The following GLIS1 variants were observed in gnomAD, a reference collection of about 807,000 sequenced individuals.
GLIS1 encodes zinc finger protein GLIS1.
Under a neutral mutation model 63.8 loss-of-function variants are expected in GLIS1, and 24 were observed. The ratio of observed to expected loss-of-function variants is 0.38; its 90% CI spans 0.27 to 0.53. The LOEUF (loss-of-function observed/expected upper bound fraction) is 0.53. GLIS1 is among the 20% of genes least tolerant of loss of function. The pLI, the probability that GLIS1 is intolerant of heterozygous loss-of-function variation, is 0.85. For missense variants in GLIS1, 1,036 were observed against 1,074.1 expected, an observed-to-expected ratio of 0.96 and a Z score of 0.50; for synonymous variants, 450 against 482.5, an observed-to-expected ratio of 0.93 and a Z score of 0.88.
chr1:53,655,640 C>T (rs955166957), intron 2 of GLIS1, among the ~76,000 whole-genome samples: 1 of 152,190 alleles, frequency 6.6e-6, no homozygotes, highest in Non-Finnish European at 1.5e-5. Flanking sequence ...ACCCCACAGA[C>T]GTTCTGGGCA....
At position 53,731,638 on chromosome 1, in the gene GLIS1, C is replaced by G. The variant is rs941619655; in HGVS notation, c.259+6168G>C. 3.3e-5 allele frequency among the ~76,000 whole-genome samples: 5 copies of G among 152,276 alleles called. 1 individual carries two copies. The South Asian group carries it at 8.3e-4, about 25-fold the overall frequency. ...TCACTTTGCCTTTCCAAGCCTCAGT[C>G]CCCCCATCTTTAAAATTAGAACAGT... On this transcript the variant is annotated intron_variant, in intron 2 of 10. Coordinates refer to ENST00000628545, the MANE Select transcript of GLIS1 (RefSeq NM_001367484.1).
chr1:53,562,589 C>T (rs1331399737), intron 4 of GLIS1, among the ~76,000 whole-genome samples: 2 of 152,204 alleles, frequency 1.3e-5, no homozygotes, highest in East Asian at 3.9e-4. Flanking sequence ...TCCCAGCCCA[C>T]ACTCCACATC....
At chr1:53,721,790 C>T (rs1358473665) in intron 2 of GLIS1, among the ~76,000 whole-genome samples, 1 of 151,814 alleles carries the variant, frequency 6.6e-6, no homozygotes, top group Non-Finnish European at 1.5e-5. Flanking sequence ...AAAAAGAAAG[C>T]AATGAAAGAA....
intron 2 of GLIS1, among the ~76,000 whole-genome samples, chr1:53,677,045 A>T (rs1646220390): frequency 6.6e-6 from 1 of 152,158 alleles, no homozygotes; most frequent in Admixed American, 6.5e-5. Flanking sequence ...TAGCTGAGCA[A>T]CGCAAACAGC....
intron 2 of GLIS1, among the ~76,000 whole-genome samples, chr1:53,662,484 T>C (rs1242078597): frequency 6.6e-6 from 1 of 152,172 alleles, no homozygotes; most frequent in African/African-American, 2.4e-5. Flanking sequence ...AGGATGATGA[T>C]GATGAGGGCT....
intron 2 of GLIS1, among the ~76,000 whole-genome samples, chr1:53,644,549 A>G (rs1645821765): frequency 6.6e-6 from 1 of 152,210 alleles, no homozygotes; most frequent in Admixed American, 6.5e-5. Flanking sequence ...TAGAATGGGA[A>G]GAGTTCTTCA....
rs1230658951 is a variant in GLIS1 at position 53,692,572 on chromosome 1, T to C, written c.259+45234A>G. ...ATTGTCCCTGATTTAGAGTTTGGGG[T>C]TGTGCTGAGAAATGGAGCTTCCAGC... is the stretch of plus-strand genomic sequence containing the variant. On this transcript the variant is annotated intron_variant, in intron 2 of 10. Transcript: ENST00000628545. Among the ~76,000 whole-genome samples, 3 of 152,228 alleles carry C rather than the reference T, an allele frequency of 2.0e-5. No homozygotes were observed. In the East Asian group the frequency reaches 5.8e-4, roughly 29 times the overall value.
intron 2 of GLIS1, among the ~76,000 whole-genome samples, chr1:53,621,525 G>T (rs1379816420): frequency 6.6e-6 from 1 of 152,230 alleles, no homozygotes; most frequent in Non-Finnish European, 1.5e-5. Flanking sequence ...TTCGTCAAAA[G>T]CCAATTAGCC....
chr1:53,583,748 C>A (rs998643927), intron 4 of GLIS1, among the ~76,000 whole-genome samples: 1 of 152,180 alleles, frequency 6.6e-6, no homozygotes, highest in African/African-American at 2.4e-5. Context: ...GAGGAGGGGC[C>A]GGGAAAGTCG....
chr1:53,609,232 C>A (rs1251132251), intron 2 of GLIS1, among the ~76,000 whole-genome samples: 2 of 147,978 alleles, frequency 1.4e-5, no homozygotes, highest in Admixed American at 6.8e-5. Flanking sequence ...ACATTTAATG[C>A]AATTACCATA....
chr1:53,654,185 C>T (rs1645938643), intron 2 of GLIS1, among the ~76,000 whole-genome samples: 1 of 152,220 alleles, frequency 6.6e-6, no homozygotes, highest in Non-Finnish European at 1.5e-5. Flanking sequence ...TCAACAAATA[C>T]TTATTGAGCA....
intron 4 of GLIS1, among the ~76,000 whole-genome samples, chr1:53,532,963 A>G: frequency 6.6e-6 from 1 of 152,204 alleles, no homozygotes; most frequent in East Asian, 1.9e-4. Context: ...CTTGGTGTTC[A>G]TGGTCTTCCA....
At chr1:53,635,980 C>T (rs888829931) in intron 2 of GLIS1, among the ~76,000 whole-genome samples, 109 of 152,126 alleles carry the variant, frequency 7.2e-4, no homozygotes, top group Non-Finnish European at 2.6e-4. Context: ...AAACTCCAGA[C>T]CCAGTTGGCT....
chr1:53,549,484 G>T (rs1182794451), intron 4 of GLIS1, among the ~76,000 whole-genome samples: 1 of 152,190 alleles, frequency 6.6e-6, no homozygotes, highest in Non-Finnish European at 1.5e-5. Context: ...GGTGTGAAGT[G>T]GTAGCTCCTT....
chr1:53,527,801 G>A (rs569086414), intron 5 of GLIS1, among the ~76,000 whole-genome samples: 11 of 152,192 alleles, frequency 7.2e-5, no homozygotes, highest in South Asian at 2.1e-4. Flanking sequence ...TGGGCTTGGC[G>A]GCTGCACTTC....
At chr1:53,638,056 G>A (rs983186965) in intron 2 of GLIS1, among the ~76,000 whole-genome samples, 5 of 152,244 alleles carry the variant, frequency 3.3e-5, no homozygotes, top group Admixed American at 3.3e-4. Flanking sequence ...GAGGGAGCCA[G>A]TATCCCATCT....
At chr1:53,670,204 AC>A (rs1646136724) in intron 2 of GLIS1, among the ~76,000 whole-genome samples, 2 of 152,180 alleles carry the variant, frequency 1.3e-5, no homozygotes, top group Admixed American at 1.3e-4. Flanking sequence ...CCCAGCCCGA[AC>A]CCACATCTCC....
At chr1:53,645,861 T>G (rs1336750090) in intron 2 of GLIS1, among the ~76,000 whole-genome samples, 1 of 152,226 alleles carries the variant, frequency 6.6e-6, no homozygotes, top group East Asian at 1.9e-4. Flanking sequence ...GAGCTGGGCT[T>G]TCGTGGTGTC....
chr1:53,542,249 CG>C lies in GLIS1; in HGVS notation c.1321-12298del, dbSNP rs557766526. Among the ~76,000 whole-genome samples, 81 of 152,300 alleles carry C rather than the reference CG, an allele frequency of 5.3e-4. 1 individual carries two copies. The highest frequency in any genetic ancestry group is 1.1e-3 in the Non-Finnish European group (72 of 68,034). ...TAGCACTGCACCTCCACTCAAGCGCCGGGGGGAAGGAGATGACTTAGCAGAA... is the reference window on the plus strand; with the variant it reads ...TAGCACTGCACCTCCACTCAAGCGCCGGGGGAAGGAGATGACTTAGCAGAA... On this transcript the variant is annotated intron_variant, in intron 4 of 10. Coordinates refer to ENST00000628545, the MANE Select transcript of GLIS1 (RefSeq NM_001367484.1).
Sources: gnomAD v4.1 joint callset for allele counts (sites outside exome capture counted in the v4.1 genomes callset) on GRCh38, gnomAD v4.1.1 for gene constraint, MANE v1.5 for transcripts, NCBI Gene and HGNC (gene_info 2026-07-23, HGNC 2026-07-21) for gene names.